The following SNX29 variants were observed in gnomAD, a reference collection of about 807,000 sequenced individuals.
SNX29 encodes sorting nexin-29.
In SNX29, 78 loss-of-function variants were observed where a neutral mutation model predicts 102.1. The ratio of observed to expected loss-of-function variants is 0.76; its 90% CI spans 0.64 to 0.92. The LOEUF (loss-of-function observed/expected upper bound fraction) is 0.92. Ranked by LOEUF, SNX29 falls within the 40% of genes least tolerant of loss-of-function variation. SNX29 has a pLI of 0.00. For synonymous variants in SNX29, 580 were observed against 414.5 expected (o/e 1.40, Z -4.85); for missense variants, 1,280 against 1,061.7 (o/e 1.21, Z -2.86).
intron 14 of SNX29, among the ~76,000 whole-genome samples, chr16:12,261,786 C>T (rs1198123850): frequency 4.9e-5 from 6 of 122,226 alleles, no homozygotes; most frequent in Admixed American, 3.5e-4. Context: ...TGAGTGTTTG[C>T]TGAGCTCGGG....
chr16:12,564,084 A>T (rs4780451), intron 20 of SNX29, among the ~76,000 whole-genome samples: 2 of 152,054 alleles, frequency 1.3e-5, no homozygotes, highest in African/African-American at 4.8e-5. Flanking sequence ...GGGAGTTTGT[A>T]ATATCTTTGT....
intron 4 of SNX29, among the ~76,000 whole-genome samples, chr16:12,039,028 C>T (rs3881428): frequency 6.6e-6 from 1 of 152,116 alleles, no homozygotes; most frequent in Non-Finnish European, 1.5e-5. Flanking sequence ...AAGATAGTCT[C>T]GAGGGACCTG....
chr16:12,539,587 C>T lies in SNX29; in HGVS notation c.2318+14746C>T, dbSNP rs185199484. Among the ~76,000 whole-genome samples, 348 of 152,284 alleles carry T rather than the reference C, an allele frequency of 2.3e-3. 1 individual carries two copies. The highest frequency in any genetic ancestry group is 8.0e-3 in the African/African-American group (331 of 41,550). On this transcript the variant is annotated intron_variant, in intron 20 of 20. Coordinates refer to ENST00000566228, the MANE Select transcript of SNX29 (RefSeq NM_032167.5). ...TTTGTGTGAACAAAAGTTTTCATTT[C>T]TGTGCGGCAAATACCTAAGAGTTGA...
At position 12,048,409 on chromosome 16, in the gene SNX29, C is replaced by T. The variant is rs756812245; in HGVS notation, c.537C>T (p.Asn179=). 2.7e-5 allele frequency: 43 copies of T among 1,613,772 alleles called. 1 individual carries two copies. Among genetic ancestry groups the T allele is most frequent in the South Asian group, 5.5e-5 (5 of 91,080 alleles). ...TACTCTTTGCGATTAACATCGACAA[C>T]AAGGATTTGAACGGGCAGAGTAAGT... ...NSILFAINID[N]KDLNGQSKFA... The change falls in exon 7 of 21, where the codon AAC becomes AAT. Residue 179 remains asparagine (N), a synonymous_variant. Transcript: ENST00000566228.
chr16:12,559,189 C>G (rs2141450845), intron 20 of SNX29, among the ~76,000 whole-genome samples: 1 of 152,146 alleles, frequency 6.6e-6, no homozygotes, highest in East Asian at 1.9e-4. Flanking sequence ...TACTGGGCTA[C>G]ACAGTGGGTG....
chr16:12,550,415 C>T (rs966270981), intron 20 of SNX29, among the ~76,000 whole-genome samples: 7 of 151,792 alleles, frequency 4.6e-5, no homozygotes, highest in East Asian at 1.9e-4. Flanking sequence ...CACGCCTGTA[C>T]TCCCACCTAC....
chr16:12,423,979 G>C (rs946407003), intron 18 of SNX29, among the ~76,000 whole-genome samples: 1 of 152,234 alleles, frequency 6.6e-6, no homozygotes, highest in African/African-American at 2.4e-5. Flanking sequence ...TCTCACCAGA[G>C]AGTGTGAGGT....
chr16:12,150,399 T>G (rs1209947577), intron 13 of SNX29, among the ~76,000 whole-genome samples: 2 of 152,202 alleles, frequency 1.3e-5, no homozygotes, highest in Non-Finnish European at 2.9e-5. Flanking sequence ...TACCAGGGGT[T>G]AAGGATGGAT....
chr16:12,061,470 G>C, intron 8 of SNX29, 58 bp from the exon 9 acceptor site: 8 of 1,405,432 alleles, frequency 5.7e-6, no homozygotes, highest in Non-Finnish European at 7.8e-6. Context: ...GCTTGTTGGT[G>C]AGTCATGCGG....
At chr16:12,515,385 A>G (rs1020993355) in intron 19 of SNX29, 27 of 404,008 alleles carry the variant, frequency 6.7e-5, no homozygotes, top group African/African-American at 5.3e-4. Context: ...ACAAACGAAT[A>G]TATGTGACTG....
In SNX29 at chr16:12,573,404, A is replaced by C. The variant is rs556732419; in HGVS notation, c.*4775A>C. ...CCTTCCTTATAGCTAGTTTCTATAGAGAAGTGAAAAAGAAATCTGGCTTCC... is the reference window on the plus strand; with the variant it reads ...CCTTCCTTATAGCTAGTTTCTATAGCGAAGTGAAAAAGAAATCTGGCTTCC... On this transcript the variant is annotated 3_prime_UTR_variant, in exon 21 of 21. Coordinates refer to ENST00000566228, the MANE Select transcript of SNX29 (RefSeq NM_032167.5). The C allele has an allele frequency of 1.3e-5, 3 of 224,392 alleles. No individual in the cohort carries two copies. The highest frequency in any genetic ancestry group is 4.5e-5 in the African/African-American group (2 of 44,852). The allele number at this position is 224,392 out of a possible 1,614,324, so 13.9% of individuals were successfully genotyped here.
intron 8 of SNX29, chr16:12,052,646 T>G: frequency 5.2e-6 from 1 of 193,294 alleles, no homozygotes. Context: ...TTTAGGAGTG[T>G]TATTTGGAAG....
intron 18 of SNX29, among the ~76,000 whole-genome samples, chr16:12,418,065 T>C (rs777232466): frequency 1.3e-5 from 2 of 152,170 alleles, no homozygotes. Flanking sequence ...TTGTCTTACA[T>C]TGGAGGATTC....
rs554015091 is a variant in SNX29, at chr16:12,565,712, G to T, written c.2319-2794G>T. Among the ~76,000 whole-genome samples, 6 of 152,314 alleles carry T rather than the reference G, an allele frequency of 3.9e-5. No homozygotes were observed. In the East Asian group the frequency reaches 5.8e-4, roughly 15 times the overall value. On this transcript the variant is annotated intron_variant, in intron 20 of 20. Coordinates refer to ENST00000566228, the MANE Select transcript of SNX29 (RefSeq NM_032167.5). ...TCCAGGAAGGGGAAGCAGCTGGGCC[G>T]GGTCTGCCCGGCTACAAGTCCACCC...
At chr16:12,106,421 C>T (rs2053243469) in intron 11 of SNX29, among the ~76,000 whole-genome samples, 1 of 152,118 alleles carries the variant, frequency 6.6e-6, no homozygotes, top group African/African-American at 2.4e-5. Flanking sequence ...ATCACATGCA[C>T]ATTTCTGCCA....
chr16:12,149,932 T>A (rs2055226899), intron 13 of SNX29, among the ~76,000 whole-genome samples: 2 of 151,964 alleles, frequency 1.3e-5, no homozygotes, highest in African/African-American at 4.8e-5. Context: ...GGGAGAGGCA[T>A]GAAGGAAGAT....
chr16:12,181,736 A>G (rs780073403), intron 13 of SNX29, among the ~76,000 whole-genome samples: 16 of 152,088 alleles, frequency 1.1e-4, no homozygotes, highest in Admixed American at 2.0e-4. Flanking sequence ...AGGGCTTTTC[A>G]TCAGATCTGT....
chr16:12,078,191 A>G (rs2051675599), intron 10 of SNX29, among the ~76,000 whole-genome samples: 2 of 146,114 alleles, frequency 1.4e-5, no homozygotes, highest in South Asian at 4.4e-4. Context: ...AGTGGAAAAA[A>G]AGGCCGGGTG....
rs1374600605 is a variant in SNX29, at chr16:12,043,048, C to G, written c.399C>G (p.His133Gln). 6.2e-7 allele frequency: 1 copy of G among 1,613,504 alleles called. No individual in the cohort carries two copies. Among genetic ancestry groups the G allele is most frequent in the South Asian group, 1.1e-5 (1 of 91,052 alleles). ...LNEHSLERYL[H>Q]MLLADRCRLS... Reference sequence around the variant, plus strand: ...AACACTCCCTGGAGCGCTACCTGCACATGCTCCTGGCCGACCGCTGCAGGC... The same window carrying G: ...AACACTCCCTGGAGCGCTACCTGCAGATGCTCCTGGCCGACCGCTGCAGGC... Residue 133 changes from histidine (H) to glutamine (Q), a missense_variant, in exon 5 of 21, where the codon CAC becomes CAG. By Grantham distance (24) the His-to-Gln change is conservative. Transcript: ENST00000566228.
Sources: gnomAD v4.1 joint callset for allele counts (sites outside exome capture counted in the v4.1 genomes callset) on GRCh38, gnomAD v4.1.1 for gene constraint, MANE v1.5 for transcripts, NCBI Gene and HGNC (gene_info 2026-07-23, HGNC 2026-07-21) for gene names.